The following PIK3R3 variants were observed in gnomAD, a reference collection of about 807,000 sequenced individuals.
PIK3R3 encodes phosphatidylinositol 3-kinase regulatory subunit gamma.
Under a neutral mutation model 62.9 loss-of-function variants are expected in PIK3R3, and 64 were observed. The observed-to-expected ratio is 1.02, with a 90% confidence interval of 0.83 to 1.25. The LOEUF (loss-of-function observed/expected upper bound fraction) is 1.25, where lower values mean the gene tolerates loss of function less well. Among genes scored for constraint, PIK3R3 ranks in the 50% most tolerant of loss-of-function variants. The probability of loss-of-function intolerance (pLI) is 0.00; values close to 1 mark genes in which losing one functional copy is unlikely to be tolerated. For synonymous variants in PIK3R3, 165 were observed against 189.0 expected, an observed-to-expected ratio of 0.87 and a Z score of 1.04; for missense variants, 614 against 561.6, an observed-to-expected ratio of 1.09 and a Z score of -0.94.
chr1:46,125,889 T>C (rs112364646), intron 1 of PIK3R3, among the ~76,000 whole-genome samples: 4,783 of 151,830 alleles, frequency 0.032, 123 homozygotes, highest in Middle Eastern at 0.085. Context: ...ACCTCCCGAG[T>C]AGCTGGGACT....
chr1:46,168,264 G>T, the PIK3R3 span, among the ~76,000 whole-genome samples: 9 of 152,150 alleles, frequency 5.9e-5, no homozygotes, highest in African/African-American at 2.2e-4. Flanking sequence ...AGTATACTAA[G>T]TCCAAGCCTC....
chr1:46,160,741 C>T, the PIK3R3 span, among the ~76,000 whole-genome samples: 47 of 152,302 alleles, frequency 3.1e-4, no homozygotes, highest in Non-Finnish European at 5.4e-4. Context: ...CACTCATTGC[C>T]CCACTTGGGT....
intron 3 of PIK3R3, among the ~76,000 whole-genome samples, chr1:46,074,558 G>A (rs968664691): frequency 6.6e-6 from 1 of 151,974 alleles, no homozygotes; most frequent in Non-Finnish European, 1.5e-5. Context: ...GGTGTGGTGG[G>A]GGTGGGTCCT....
At chr1:46,113,016 T>A (rs989190453) in intron 1 of PIK3R3, among the ~76,000 whole-genome samples, 3 of 152,192 alleles carry the variant, frequency 2.0e-5, no homozygotes, top group Non-Finnish European at 4.4e-5. Context: ...ACAACTCTAC[T>A]ATTCATTCTC....
chr1:46,162,923 G>T, the PIK3R3 span, among the ~76,000 whole-genome samples: 2 of 152,002 alleles, frequency 1.3e-5, no homozygotes, highest in Non-Finnish European at 2.9e-5. Context: ...ATGCCCGACC[G>T]CACTGTTTAT....
Position 46,041,987 on chromosome 1 carries a change from G to C in PIK3R3, c.*1686C>G. On this transcript the variant is annotated 3_prime_UTR_variant, in exon 10 of 10. Transcript: ENST00000262741. ...TATTTTTCTTTCACCCCCAGAACTA[G>C]AGCTTTCCTAGCTGTAAGCCTTATA... 4.5e-6 allele frequency: 1 copy of C among 221,598 alleles called. No homozygotes were observed. Among genetic ancestry groups the C allele is most frequent in the Non-Finnish European group, 9.0e-6 (1 of 110,674 alleles). 13.7% of individuals were successfully genotyped at this position (221,598 alleles called of 1,614,324 possible). A position where few individuals can be genotyped will look rare whatever the true frequency, so the allele number is the denominator to read the frequency against.
chr1:46,165,643 T>C, the PIK3R3 span, among the ~76,000 whole-genome samples: 1 of 151,404 alleles, frequency 6.6e-6, no homozygotes, highest in Non-Finnish European at 1.5e-5. Context: ...AAACTGAGGC[T>C]TGGAGAAGTT....
intron 7 of PIK3R3, among the ~76,000 whole-genome samples, chr1:46,047,678 C>A (rs982067876): frequency 2.6e-5 from 4 of 152,144 alleles, no homozygotes. Context: ...CTAACTGTCC[C>A]AACTAAGGCA....
chr1:46,161,909 G>A, the PIK3R3 span, among the ~76,000 whole-genome samples: 18 of 151,352 alleles, frequency 1.2e-4, no homozygotes, highest in South Asian at 2.1e-4. Flanking sequence ...TGGCTAACAT[G>A]GTGAAACCCT....
At chr1:46,165,305 C>CTTTTTTTTT in the PIK3R3 span, among the ~76,000 whole-genome samples, 1 of 130,036 alleles carries the variant, frequency 7.7e-6, no homozygotes, top group East Asian at 2.2e-4. Context: ...TCTTCTTCTT[C>CTTTTTTTTT]TTTTTTTTTT....
the PIK3R3 span, among the ~76,000 whole-genome samples, chr1:46,152,685 C>T: frequency 2.0e-5 from 3 of 151,840 alleles, no homozygotes; most frequent in African/African-American, 7.3e-5. Context: ...GCCTCAGCCT[C>T]CCGAGTAGCT....
rs766031485 is a variant in PIK3R3 at position 46,105,141 on chromosome 1, G to A, written c.107-24391C>T. 2.4e-4 allele frequency: 168 copies of A among 688,554 alleles called. 1 individual carries two copies. The highest frequency in any genetic ancestry group is 9.2e-4 in the Admixed American group (46 of 50,100). 42.7% of individuals were successfully genotyped at this position (688,554 alleles called of 1,614,324 possible). A position where few individuals can be genotyped will look rare whatever the true frequency, so the allele number is the denominator to read the frequency against. ...ATAGAATGGAACCTGTCCCCTGATGGGAGAGTCACTCCGAAGGAATGGAGA... is the reference window on the plus strand; with the variant it reads ...ATAGAATGGAACCTGTCCCCTGATGAGAGAGTCACTCCGAAGGAATGGAGA... On this transcript the variant is annotated intron_variant, in intron 1 of 9. Coordinates refer to ENST00000262741, the MANE Select transcript of PIK3R3 (RefSeq NM_003629.4).
Position 46,066,080 on chromosome 1 carries a change from A to G in PIK3R3, c.595T>C (p.Tyr199His), listed in dbSNP as rs754758609. Reference sequence around the variant, plus strand: ...TGGGATGTTCTAGTATATTCTTCATACAGCCTATCATACTCTTTACTCTTC... The same window carrying G: ...TGGGATGTTCTAGTATATTCTTCATGCAGCCTATCATACTCTTTACTCTTC... The part of the protein sequence containing the change: ...QEKSKEYDRL[Y>H]EEYTRTSQEI... Residue 199 changes from tyrosine to histidine, a missense_variant, in exon 5 of 10, where the codon TAT becomes CAT. Physicochemically the swap from Tyr to His is moderately conservative, Grantham distance 83 (BLOSUM62 2). Transcript: ENST00000262741. The G allele has an allele frequency of 4.4e-6, 7 of 1,608,892 alleles. No homozygotes were observed. Among genetic ancestry groups the G allele is most frequent in the Non-Finnish European group, 6.0e-6 (7 of 1,175,664 alleles).
chr1:46,097,747 G>C (rs912633855), intron 1 of PIK3R3, among the ~76,000 whole-genome samples: 4 of 152,054 alleles, frequency 2.6e-5, no homozygotes, highest in Admixed American at 1.3e-4. Context: ...AAATCAGCCA[G>C]GTGTGGTGGT....
intron 1 of PIK3R3, among the ~76,000 whole-genome samples, chr1:46,121,401 A>G (rs1654661759): frequency 6.6e-6 from 1 of 152,224 alleles, no homozygotes; most frequent in Non-Finnish European, 1.5e-5. Flanking sequence ...CTAAAGCAAT[A>G]TATTTCCAGC....
chr1:46,089,486 T>C (rs1013474526), intron 1 of PIK3R3, among the ~76,000 whole-genome samples: 4 of 151,926 alleles, frequency 2.6e-5, no homozygotes, highest in Non-Finnish European at 4.4e-5. Context: ...GAGGCCAAGG[T>C]GGGCGGATCA....
At chr1:46,168,511 T>TC in the PIK3R3 span, among the ~76,000 whole-genome samples, 2 of 152,174 alleles carry the variant, frequency 1.3e-5, no homozygotes, top group African/African-American at 4.8e-5. Flanking sequence ...CAGGGCTGCC[T>TC]CCAGCCCTGA....
At chr1:46,124,425 T>C (rs989687385) in intron 1 of PIK3R3, among the ~76,000 whole-genome samples, 2 of 152,262 alleles carry the variant, frequency 1.3e-5, no homozygotes, top group African/African-American at 4.8e-5. Context: ...GATACATTTA[T>C]ATTTTTCTAC....
At chr1:46,142,274 T>A in the PIK3R3 span, among the ~76,000 whole-genome samples, 2 of 152,170 alleles carry the variant, frequency 1.3e-5, no homozygotes, top group Non-Finnish European at 2.9e-5. Flanking sequence ...CACAAATGTT[T>A]CAAAATCATC....
Sources: allele counts gnomAD v4.1 joint callset (sites outside exome capture counted in the v4.1 genomes callset), GRCh38; gene constraint gnomAD v4.1.1; transcripts MANE v1.5; gene names NCBI Gene and HGNC (gene_info 2026-07-23, HGNC 2026-07-21).